Variants in DPP10 observed in about 807,000 individuals in gnomAD.
DPP10 encodes the protein inactive dipeptidyl peptidase 10.
In DPP10, 33 loss-of-function variants were observed where a neutral mutation model predicts 120.9. The ratio of observed to expected loss-of-function variants is 0.27; its 90% CI spans 0.21 to 0.37. The LOEUF is 0.37. DPP10 is among the 10% of genes least tolerant of loss of function. The pLI is 1.00. For synonymous variants in DPP10, 337 were observed against 326.1 expected (o/e 1.03, Z -0.36); for missense variants, 816 against 942.8 (o/e 0.87, Z 1.76).
intron 1 of DPP10, among the ~76,000 whole-genome samples, chr2:115,302,849 A>G (rs1040340847): frequency 1.3e-5 from 2 of 152,124 alleles, no homozygotes; most frequent in Non-Finnish European, 2.9e-5. Flanking sequence ...CTCAGCATAG[A>G]GTCCTCTAAT....
At chr2:115,678,728 G>A (rs1426382468) in intron 5 of DPP10, among the ~76,000 whole-genome samples, 2 of 152,178 alleles carry the variant, frequency 1.3e-5, no homozygotes, top group Admixed American at 6.5e-5. Flanking sequence ...CTTGCACCGT[G>A]CACCTGGAAA....
At chr2:115,563,517 A>C (rs564062073) in intron 5 of DPP10, among the ~76,000 whole-genome samples, 1 of 152,322 alleles carries the variant, frequency 6.6e-6, no homozygotes, top group Admixed American at 6.5e-5. Flanking sequence ...AGTGATGTGG[A>C]AAATATAGTG....
intron 5 of DPP10, among the ~76,000 whole-genome samples, chr2:115,604,079 G>GT (rs201075278): frequency 4.4e-4 from 65 of 148,400 alleles, no homozygotes; most frequent in African/African-American, 1.6e-3. Context: ...CCTTCTAGCT[G>GT]TTTTTTTTTT....
At chr2:114,504,197 T>C (rs2104532717) in intron 1 of DPP10, among the ~76,000 whole-genome samples, 1 of 152,336 alleles carries the variant, frequency 6.6e-6, no homozygotes, top group African/African-American at 2.4e-5. Context: ...ATACACAGGA[T>C]TCTTCAATAG....
At chr2:115,441,212 A>C (rs570307573) in intron 3 of DPP10, among the ~76,000 whole-genome samples, 1 of 152,174 alleles carries the variant, frequency 6.6e-6, no homozygotes, top group African/African-American at 2.4e-5. Context: ...GGTCACAGGA[A>C]AAAAAGGGGG....
chr2:115,065,683 C>G (rs906186369), intron 1 of DPP10: 7 of 151,926 alleles, frequency 4.6e-5, no homozygotes, highest in Non-Finnish European at 7.4e-5. Context: ...ACCTCCCCCC[C>G]CAATTCTCTC....
chr2:114,610,441 A>G (rs1185623657), intron 1 of DPP10, among the ~76,000 whole-genome samples: 3 of 152,174 alleles, frequency 2.0e-5, no homozygotes, highest in Non-Finnish European at 4.4e-5. Context: ...GACAGAAAAT[A>G]GTGAACATGT....
At chr2:115,279,634 T>A in intron 1 of DPP10, among the ~76,000 whole-genome samples, 1 of 149,818 alleles carries the variant, frequency 6.7e-6, no homozygotes. Flanking sequence ...TTTTTCTTTC[T>A]TTCTTTCTTT....
chr2:115,740,449 T>A (rs981532282), intron 9 of DPP10, among the ~76,000 whole-genome samples: 2 of 152,020 alleles, frequency 1.3e-5, no homozygotes, highest in Non-Finnish European at 2.9e-5. Flanking sequence ...GGACCAAGTA[T>A]AAAAAAATCA....
intron 19 of DPP10, among the ~76,000 whole-genome samples, chr2:115,803,412 G>A (rs928084096): frequency 3.3e-5 from 5 of 152,100 alleles, no homozygotes; most frequent in African/African-American, 1.2e-4. Context: ...CTTTTAATTG[G>A]AGCATTTAGC....
At chr2:115,385,405 G>C (rs1488162174) in intron 3 of DPP10, among the ~76,000 whole-genome samples, 1 of 151,178 alleles carries the variant, frequency 6.6e-6, no homozygotes, top group African/African-American at 2.4e-5. Context: ...GCCCAGGCTG[G>C]AGTGCAGTGG....
intron 1 of DPP10, among the ~76,000 whole-genome samples, chr2:114,460,100 G>C (rs1462665951): frequency 1.3e-5 from 2 of 152,090 alleles, no homozygotes; most frequent in South Asian, 4.1e-4. Context: ...AATGGGGCTG[G>C]ATATGAAAAT....
intron 5 of DPP10, among the ~76,000 whole-genome samples, chr2:115,684,532 C>G (rs1260174689): frequency 6.6e-6 from 1 of 151,844 alleles, no homozygotes; most frequent in Non-Finnish European, 1.5e-5. Flanking sequence ...GTTCAGTTTT[C>G]CTAACTGTTT....
chr2:115,588,975 T>G (rs1449351340), intron 5 of DPP10, among the ~76,000 whole-genome samples: 1 of 152,186 alleles, frequency 6.6e-6, no homozygotes, highest in Non-Finnish European at 1.5e-5. Context: ...TAAAATAAAT[T>G]ATTACTTGTA....
chr2:114,896,418 T>A (rs1016003911), intron 1 of DPP10, among the ~76,000 whole-genome samples: 2 of 152,138 alleles, frequency 1.3e-5, no homozygotes, highest in Admixed American at 1.3e-4. Context: ...CCTTGAGCAG[T>A]GTTTTGTAGT....
intron 1 of DPP10, among the ~76,000 whole-genome samples, chr2:114,742,979 GA>G (rs938694122): frequency 3.3e-5 from 5 of 152,104 alleles, no homozygotes; most frequent in African/African-American, 9.7e-5. Context: ...CTAAATGGAA[GA>G]AAAAAATTTT....
intron 2 of DPP10, among the ~76,000 whole-genome samples, chr2:115,318,472 T>C (rs2061905140): frequency 6.6e-6 from 1 of 152,086 alleles, no homozygotes; most frequent in Non-Finnish European, 1.5e-5. Context: ...CCAGTTGGGA[T>C]TTTAATAGTA....
At chr2:115,399,952 C>T (rs1389183244) in intron 3 of DPP10, among the ~76,000 whole-genome samples, 1 of 152,130 alleles carries the variant, frequency 6.6e-6, no homozygotes, top group Non-Finnish European at 1.5e-5. Context: ...ATAGCAGCTT[C>T]TGCTTCTGGG....
At chr2:115,118,241 C>T (rs1046360943) in intron 1 of DPP10, among the ~76,000 whole-genome samples, 6 of 152,130 alleles carry the variant, frequency 3.9e-5, no homozygotes, top group Non-Finnish European at 8.8e-5. Flanking sequence ...CATTTCTTTC[C>T]AATCTGTTAC....
Sources: allele counts gnomAD v4.1 joint callset (sites outside exome capture counted in the v4.1 genomes callset), GRCh38; gene constraint gnomAD v4.1.1; transcripts MANE v1.5; gene names NCBI Gene and HGNC (gene_info 2026-07-23, HGNC 2026-07-21).